CHD9: variants seen among roughly 807,000 people sequenced by gnomAD.
CHD9 encodes ATP-dependent chromatin remodeler CHD9.
A neutral mutation model predicts 316.1 loss-of-function variants in CHD9; 77 were observed. That is an observed-to-expected ratio of 0.24 (90% CI 0.20 to 0.29). The LOEUF (loss-of-function observed/expected upper bound fraction) is 0.29, where lower values mean the gene tolerates loss of function less well. CHD9 is among the 10% of genes least tolerant of loss of function. The pLI is 1.00. For missense variants in CHD9, 2,763 were observed against 3,438.1 expected, an observed-to-expected ratio of 0.80 and a Z score of 4.91; for synonymous variants, 1,129 against 1,158.3, an observed-to-expected ratio of 0.97 and a Z score of 0.51.
chr16:53,074,701 G>A (rs765387297), intron 1 of CHD9, among the ~76,000 whole-genome samples: 2 of 152,244 alleles, frequency 1.3e-5, no homozygotes, highest in Non-Finnish European at 2.9e-5. Context: ...TGAGCCTGTG[G>A]CTGCACAGAA....
intron 35 of CHD9, 101 bp from the exon 36 acceptor site, chr16:53,314,722 G>A (rs1342816439): frequency 2.7e-5 from 30 of 1,108,598 alleles, no homozygotes; most frequent in Non-Finnish European, 3.3e-5. Context: ...AGAATTTTTA[G>A]CAACAACTTA....
intron 30 of CHD9, among the ~76,000 whole-genome samples, chr16:53,302,819 C>T (rs529159562): frequency 2.0e-5 from 3 of 152,266 alleles, no homozygotes; most frequent in Non-Finnish European, 2.9e-5. Flanking sequence ...ATGTTGGTCC[C>T]TGCATTGTTT....
At position 53,132,793 on chromosome 16, in the gene CHD9, C is replaced by CTTTT. The variant is rs748626858; in HGVS notation, c.-164-23109_-164-23106dup. ...AGACTTTCCATTTCTTCTAATTCTG[C>CTTTT]TTTTTTTTTTTTTTTTTTTTTTTTT... On this transcript the variant is annotated intron_variant, in intron 1 of 38. Coordinates refer to ENST00000447540, the MANE Select transcript of CHD9 (RefSeq NM_001308319.2). 8.8e-4 allele frequency among the ~76,000 whole-genome samples: 60 copies of CTTTT among 68,504 alleles called. 9 individuals carry two copies. The highest frequency in any genetic ancestry group is 2.5e-3 in the African/African-American group (47 of 19,088). The allele number at this position is 68,504 out of a possible 152,430, so 44.9% of individuals were successfully genotyped here.
At chr16:53,221,567 G>A (rs1008673319) in intron 3 of CHD9, among the ~76,000 whole-genome samples, 1 of 151,946 alleles carries the variant, frequency 6.6e-6, no homozygotes, top group African/African-American at 2.4e-5. Flanking sequence ...AAATGTGAGA[G>A]TTATGTTTTT....
chr16:53,308,576 T>C (rs762813181), intron 33 of CHD9, 110 bp from the exon 34 acceptor site: 8 of 730,398 alleles, frequency 1.1e-5, no homozygotes, highest in Admixed American at 4.8e-5. Flanking sequence ...TTCTTTGATG[T>C]TTCAGGATTT....
At chr16:53,291,631 G>T (rs1408132125) in intron 27 of CHD9, 94 bp from the exon 28 acceptor site, 6 of 780,846 alleles carry the variant, frequency 7.7e-6, no homozygotes, top group African/African-American at 5.5e-5. Context: ...GGGGAGAAAA[G>T]CTCTCTGTTA....
chr16:53,192,118 AAG>A (rs2152829426), intron 2 of CHD9, among the ~76,000 whole-genome samples: 1 of 152,200 alleles, frequency 6.6e-6, no homozygotes, highest in South Asian at 2.1e-4. Context: ...AGACCTATAA[AAG>A]AGGTATATGT....
intron 24 of CHD9, among the ~76,000 whole-genome samples, chr16:53,280,920 A>G (rs1216438732): frequency 6.6e-6 from 1 of 152,084 alleles, no homozygotes; most frequent in Non-Finnish European, 1.5e-5. Flanking sequence ...CGTCCTCCAT[A>G]AGATGCTGTC....
intron 2 of CHD9, among the ~76,000 whole-genome samples, chr16:53,177,393 T>C (rs879279595): frequency 2.0e-4 from 30 of 152,336 alleles, no homozygotes; most frequent in Admixed American, 5.9e-4. Flanking sequence ...TTTGTACGTC[T>C]GGATCTGAAA....
At chr16:53,124,508 C>T (rs1019140181) in intron 1 of CHD9, among the ~76,000 whole-genome samples, 25 of 125,670 alleles carry the variant, frequency 2.0e-4, no homozygotes, top group East Asian at 7.1e-4. Flanking sequence ...GAAGGTGTCT[C>T]GCTCTGTCAT....
chr16:53,187,656 G>C (rs2044144284), intron 2 of CHD9, among the ~76,000 whole-genome samples: 1 of 152,158 alleles, frequency 6.6e-6, no homozygotes, highest in African/African-American at 2.4e-5. Flanking sequence ...TGAATTCATA[G>C]AAACAGGTTT....
chr16:53,156,745 C>T lies in CHD9; in HGVS notation c.656C>T (p.Ala219Val), dbSNP rs755727985. Residue 219 changes from alanine to valine, a missense_variant, in exon 2 of 39, where the codon GCA becomes GTA. Coordinates refer to ENST00000447540, the MANE Select transcript of CHD9 (RefSeq NM_001308319.2). ...AACCACCCACCACAGATGACTAATGCATCTAATTCACAACAGTCTATTTCA... is the reference window on the plus strand; with the variant it reads ...AACCACCCACCACAGATGACTAATGTATCTAATTCACAACAGTCTATTTCA... ...NVNHPPQMTN[A>V]SNSQQSISMQ... 6.2e-7 allele frequency: 1 copy of T among 1,613,642 alleles called. No homozygotes were observed. Among genetic ancestry groups the T allele is most frequent in the East Asian group, 2.2e-5 (1 of 44,882 alleles).
intron 24 of CHD9, among the ~76,000 whole-genome samples, chr16:53,274,616 C>T (rs1253768618): frequency 5.9e-5 from 9 of 152,098 alleles, no homozygotes; most frequent in South Asian, 2.1e-4. Flanking sequence ...TCACCACGCC[C>T]GGCTAATTTT....
chr16:53,153,565 G>A (rs536301682), intron 1 of CHD9, among the ~76,000 whole-genome samples: 3 of 152,250 alleles, frequency 2.0e-5, no homozygotes, highest in East Asian at 3.9e-4. Flanking sequence ...GCCTCTCTCT[G>A]TTACCCAGGC....
chr16:53,186,899 T>G (rs1050964457), intron 2 of CHD9, among the ~76,000 whole-genome samples: 6 of 152,198 alleles, frequency 3.9e-5, no homozygotes, highest in Non-Finnish European at 7.3e-5. Context: ...CCCAGCCTTA[T>G]AGAACTGTGA....
At chr16:53,191,483 A>G (rs1228033108) in intron 2 of CHD9, among the ~76,000 whole-genome samples, 2 of 152,056 alleles carry the variant, frequency 1.3e-5, no homozygotes, top group East Asian at 1.9e-4. Flanking sequence ...TTTTGCTCCT[A>G]TAGTTTTTCC....
chr16:53,263,189 C>G (rs2152992787), intron 20 of CHD9, 92 bp downstream of exon 20: 1 of 877,142 alleles, frequency 1.1e-6, no homozygotes, highest in Non-Finnish European at 1.7e-6. Flanking sequence ...TATGCAGTTA[C>G]TAAAACAAAT....
At chr16:53,227,893 G>C (rs1413016218) in intron 7 of CHD9, among the ~76,000 whole-genome samples, 2 of 151,872 alleles carry the variant, frequency 1.3e-5, no homozygotes, top group East Asian at 3.9e-4. Flanking sequence ...AGACCATCCT[G>C]GCCAACATGG....
intron 4 of CHD9, among the ~76,000 whole-genome samples, chr16:53,224,418 A>G (rs1356254728): frequency 6.6e-6 from 1 of 152,202 alleles, no homozygotes; most frequent in African/African-American, 2.4e-5. Flanking sequence ...TTATGGTAAA[A>G]TCTTCTATAA....
Sources: allele counts gnomAD v4.1 joint callset (sites outside exome capture counted in the v4.1 genomes callset), GRCh38; gene constraint gnomAD v4.1.1; transcripts MANE v1.5; gene names NCBI Gene and HGNC (gene_info 2026-07-23, HGNC 2026-07-21).